Variants in CHRAC1 observed in about 807,000 individuals in gnomAD.
CHRAC1 encodes the protein chromatin accessibility complex protein 1.
CHRAC1 carries 6 observed loss-of-function variants against 9.1 expected under a neutral mutation model. The ratio of observed to expected loss-of-function variants is 0.66; its 90% CI spans 0.36 to 1.29. CHRAC1 has a LOEUF of 1.29. Ranked by LOEUF, CHRAC1 falls within the 50% of genes most tolerant of loss-of-function variation. The pLI, the probability that CHRAC1 is intolerant of heterozygous loss-of-function variation, is 0.03. For synonymous variants in CHRAC1, 73 were observed against 64.5 expected (o/e 1.13, Z -0.63); for missense variants, 168 against 163.5 (o/e 1.03, Z -0.15).
In CHRAC1 at chr8:140,514,450, T is replaced by A; in HGVS notation, c.229T>A (p.Leu77Ile). ...KEKKVLTYSDLANTAQQSETF... is the reference protein window; with the variant it reads ...KEKKVLTYSDIANTAQQSETF... ...AAAGAAAGTACTGACTTACAGTGAT[T>A]TAGCAAACACTGCACAGCAATCAGA... Residue 77 changes from leucine to isoleucine, a missense_variant, in exon 2 of 3, where the codon TTA becomes ATA. Coordinates refer to ENST00000220913, the MANE Select transcript of CHRAC1 (RefSeq NM_017444.6). 6.3e-7 allele frequency: 1 copy of A among 1,581,296 alleles called. No homozygotes were observed. Among genetic ancestry groups the A allele is most frequent in the Non-Finnish European group, 8.5e-7 (1 of 1,170,848 alleles).
chr8:140,511,873 G>A (rs1375874224), intron 1 of CHRAC1: 1 of 741,600 alleles, frequency 1.3e-6, no homozygotes, highest in Non-Finnish European at 2.1e-6. Flanking sequence ...GCTCCCTCAC[G>A]TTCTCCAGTT....
Position 140,515,327 on chromosome 8 carries a change from C to G in CHRAC1, c.*80C>G. 3 of 1,420,732 alleles carry G rather than the reference C, an allele frequency of 2.1e-6. No homozygotes were observed. The highest frequency in any genetic ancestry group is 2.9e-6 in the Non-Finnish European group (3 of 1,034,494). The allele number at this position is 1,420,732 out of a possible 1,614,324, so 88.0% of individuals were successfully genotyped here. ...TGTCTCTAAGTAAACACAGCACTGC[C>G]CGCTTTTAGCGTCTTCACTTCTTCA... On this transcript the variant is annotated 3_prime_UTR_variant, in exon 3 of 3. Coordinates refer to ENST00000220913, the MANE Select transcript of CHRAC1 (RefSeq NM_017444.6).
At position 140,515,414 on chromosome 8, in the gene CHRAC1, A is replaced by T. The variant is rs2132817107; in HGVS notation, c.*167A>T. ...TTTCCAGGCCGAGATTGAGCACCTCATGTACCTACGCCACAGACAGCCAGA... is the reference window on the plus strand; with the variant it reads ...TTTCCAGGCCGAGATTGAGCACCTCTTGTACCTACGCCACAGACAGCCAGA... On this transcript the variant is annotated 3_prime_UTR_variant, in exon 3 of 3. Transcript: ENST00000220913. 1 of 640,028 alleles carries T rather than the reference A, an allele frequency of 1.6e-6. No homozygotes were observed. The highest frequency in any genetic ancestry group is 3.0e-5 in the East Asian group (1 of 33,352). 39.6% of individuals were successfully genotyped at this position (640,028 alleles called of 1,614,324 possible).
chr8:140,512,535 G>A (rs2072290104), intron 1 of CHRAC1, among the ~76,000 whole-genome samples: 1 of 152,118 alleles, frequency 6.6e-6, no homozygotes, highest in Admixed American at 6.5e-5. Flanking sequence ...ATGTTTTCCT[G>A]TTCTGACACT....
chr8:140,512,136 A>G (rs1588416732), intron 1 of CHRAC1: 2 of 672,922 alleles, frequency 3.0e-6, no homozygotes, highest in East Asian at 7.1e-5. Context: ...GTCGGCGCCT[A>G]GTGGCGCTCT....
At chr8:140,512,384 A>G (rs1381057032) in intron 1 of CHRAC1, among the ~76,000 whole-genome samples, 2 of 152,214 alleles carry the variant, frequency 1.3e-5, no homozygotes, top group African/African-American at 4.8e-5. Context: ...CCCCTCGTCT[A>G]AGAGGCAGCA....
chr8:140,511,482 CG>C lies in CHRAC1; in HGVS notation c.-17del. 1 of 1,313,014 alleles carries C rather than the reference CG, an allele frequency of 7.6e-7. No individual in the cohort carries two copies. The highest frequency in any genetic ancestry group is 9.8e-7 in the Non-Finnish European group (1 of 1,018,982). The allele number at this position is 1,313,014 out of a possible 1,614,324, so 81.3% of individuals were successfully genotyped here. ...GTCGGGCCCGCCGGCTGCGGGCACCCGCGCGACGGGCGGGAAGATGGCGGAC... is the reference window on the plus strand; with the variant it reads ...GTCGGGCCCGCCGGCTGCGGGCACCCCGCGACGGGCGGGAAGATGGCGGAC... On this transcript the variant is annotated 5_prime_UTR_variant, in exon 1 of 3. Coordinates refer to ENST00000220913, the MANE Select transcript of CHRAC1 (RefSeq NM_017444.6).
intron 1 of CHRAC1, among the ~76,000 whole-genome samples, chr8:140,513,139 A>G (rs2072297941): frequency 6.6e-6 from 1 of 152,104 alleles, no homozygotes; most frequent in African/African-American, 2.4e-5. Flanking sequence ...TATTAACTGA[A>G]CTAGATGCAT....
intron 1 of CHRAC1, among the ~76,000 whole-genome samples, chr8:140,513,225 G>C (rs1409318626): frequency 6.6e-6 from 1 of 152,218 alleles, no homozygotes; most frequent in African/African-American, 2.4e-5. Context: ...ATAAGAACTG[G>C]GATGCAGGAG....
intron 1 of CHRAC1, 82 bp from the exon 2 acceptor site, chr8:140,514,287 T>A: frequency 7.1e-7 from 1 of 1,405,462 alleles, no homozygotes; most frequent in Non-Finnish European, 9.6e-7. Context: ...AATTAAGGAA[T>A]CAACAATGTA....
rs541074979 is a variant in CHRAC1, at chr8:140,516,777, C to T, written c.*1530C>T. On this transcript the variant is annotated 3_prime_UTR_variant, in exon 3 of 3. Transcript: ENST00000220913. ...CCACCACAATTAACAGCTATATCAC[C>T]CTCCAGTAAATTCCCTGTGGTCAGC... The T allele has an allele frequency of 2.8e-4, 43 of 152,312 alleles. No individual in the cohort carries two copies. The highest frequency in any genetic ancestry group is 2.4e-3 in the Admixed American group (37 of 15,302). 9.4% of individuals were successfully genotyped at this position (152,312 alleles called of 1,614,324 possible). A position where few individuals can be genotyped will look rare whatever the true frequency, so the allele number is the denominator to read the frequency against.
intron 1 of CHRAC1, chr8:140,511,923 C>G (rs1160588820): frequency 8.4e-7 from 1 of 1,194,740 alleles, no homozygotes; most frequent in East Asian, 5.2e-5. Flanking sequence ...CGCCCTTTGT[C>G]GCCTTCCTTC....
At position 140,515,440 on chromosome 8, in the gene CHRAC1, G is replaced by T; in HGVS notation, c.*193G>T. The T allele has an allele frequency of 2.2e-6, 1 of 451,732 alleles. No homozygotes were observed. The highest frequency in any genetic ancestry group is 3.7e-6 in the Non-Finnish European group (1 of 267,228). The allele number at this position is 451,732 out of a possible 1,614,324, so 28.0% of individuals were successfully genotyped here. ...TGTACCTACGCCACAGACAGCCAGA[G>T]GGAAAGCGACCCAGACAGCAGCCCC... On this transcript the variant is annotated 3_prime_UTR_variant, in exon 3 of 3. Transcript: ENST00000220913.
Position 140,513,127 on chromosome 8 carries a change from C to G in CHRAC1, c.148-1242C>G, listed in dbSNP as rs545783462. Among the ~76,000 whole-genome samples the G allele has an allele frequency of 2.6e-5, 4 of 152,218 alleles. No homozygotes were observed. In the South Asian group the frequency reaches 8.3e-4, roughly 32 times the overall value. ...ACCATCACGCCCGTCTTTCTCATCC[C>G]TTATTAACTGAACTAGATGCATTAA... On this transcript the variant is annotated intron_variant, in intron 1 of 2. Coordinates refer to ENST00000220913, the MANE Select transcript of CHRAC1 (RefSeq NM_017444.6).
rs929667760 is a variant in CHRAC1 at position 140,511,747 on chromosome 8, G to A, written c.147+101G>A. 1.5e-5 allele frequency: 16 copies of A among 1,101,782 alleles called. No homozygotes were observed. The African/African-American group carries it at 2.3e-4, about 16-fold the overall frequency. The allele number at this position is 1,101,782 out of a possible 1,614,324, so 68.3% of individuals were successfully genotyped here. A position where few individuals can be genotyped will look rare whatever the true frequency, so the allele number is the denominator to read the frequency against. On this transcript the variant is annotated intron_variant, in intron 1 of 2. Coordinates refer to ENST00000220913, the MANE Select transcript of CHRAC1 (RefSeq NM_017444.6). ...GTCCCCTTAGGCCCGCGCGCCGCCG[G>A]CTGCTCTTGCCGGGCTCGCGCGCGC...
intron 1 of CHRAC1, chr8:140,512,114 C>T: frequency 9.8e-7 from 1 of 1,015,754 alleles, no homozygotes; most frequent in South Asian, 1.4e-5. Context: ...GTTTCCGGCC[C>T]TACCCGTGGG....
In CHRAC1 at chr8:140,516,971, C is replaced by T. The variant is rs185124260; in HGVS notation, c.*1724C>T. On this transcript the variant is annotated 3_prime_UTR_variant, in exon 3 of 3. Coordinates refer to ENST00000220913, the MANE Select transcript of CHRAC1 (RefSeq NM_017444.6). ...CTCAGCTGTTGTAGCACGAAAGCAG[C>T]CAGGTAATTACTAGATGAAGGAATG... The T allele has an allele frequency of 2.6e-5, 4 of 152,234 alleles. No individual in the cohort carries two copies. The highest frequency in any genetic ancestry group is 1.9e-4 in the East Asian group (1 of 5,192). 9.4% of individuals were successfully genotyped at this position (152,234 alleles called of 1,614,324 possible).
intron 1 of CHRAC1, among the ~76,000 whole-genome samples, chr8:140,513,738 C>T (rs1432912212): frequency 6.6e-6 from 1 of 152,074 alleles, no homozygotes; most frequent in Non-Finnish European, 1.5e-5. Context: ...TGAGCCACAG[C>T]TCCCGGCCGC....
chr8:140,514,568 C>T (rs1188429779), intron 2 of CHRAC1, 73 bp downstream of exon 2: 10 of 1,295,080 alleles, frequency 7.7e-6, no homozygotes, highest in African/African-American at 7.7e-5. Context: ...CCCTTGCCTC[C>T]CTTCTGCTCT....
Sources: allele counts gnomAD v4.1 joint callset (sites outside exome capture counted in the v4.1 genomes callset), GRCh38; gene constraint gnomAD v4.1.1; transcripts MANE v1.5; gene names NCBI Gene and HGNC (gene_info 2026-07-23, HGNC 2026-07-21).